DGKB: variants seen among roughly 807,000 people sequenced by gnomAD.
The protein encoded by DGKB is diacylglycerol kinase beta.
In DGKB, 67 loss-of-function variants were observed where a neutral mutation model predicts 114.3. The observed-to-expected ratio is 0.59, with a 90% CI of 0.48 to 0.72. The LOEUF is 0.72. Ranked by LOEUF, DGKB falls within the 30% of genes least tolerant of loss-of-function variation. DGKB has a pLI of 0.00. For synonymous variants in DGKB, 398 were observed against 323.1 expected (o/e 1.23, Z -2.49); for missense variants, 907 against 975.2 (o/e 0.93, Z 0.93).
chr7:14,364,269 C>G (rs1365083179), intron 21 of DGKB, among the ~76,000 whole-genome samples: 1 of 151,956 alleles, frequency 6.6e-6, no homozygotes, highest in East Asian at 1.9e-4. Context: ...CCCTGAAATT[C>G]CCTTCCTTTG....
chr7:14,175,819 G>C (rs966765288), intron 25 of DGKB, among the ~76,000 whole-genome samples: 2 of 149,342 alleles, frequency 1.3e-5, no homozygotes, highest in South Asian at 2.1e-4. Flanking sequence ...TCTTTTTTTT[G>C]GGGGGGATGG....
chr7:14,223,963 G>A (rs1028424370), intron 23 of DGKB, among the ~76,000 whole-genome samples: 1 of 150,896 alleles, frequency 6.6e-6, no homozygotes, highest in Admixed American at 6.6e-5. Context: ...TTTTTTCCAG[G>A]ACATTTTTTT....
At chr7:14,524,804 T>C (rs1790381691) in intron 20 of DGKB, among the ~76,000 whole-genome samples, 1 of 151,852 alleles carries the variant, frequency 6.6e-6, no homozygotes, top group Non-Finnish European at 1.5e-5. Context: ...ATCTCTTTCC[T>C]GATAAGACCA....
intron 21 of DGKB, among the ~76,000 whole-genome samples, chr7:14,454,775 A>T (rs147701516): frequency 6.6e-6 from 1 of 152,028 alleles, no homozygotes; most frequent in Non-Finnish European, 1.5e-5. Context: ...GAGTCACATG[A>T]TAGTTTTGAT....
chr7:14,545,705 C>T (rs1563467227), intron 20 of DGKB, among the ~76,000 whole-genome samples: 1 of 152,162 alleles, frequency 6.6e-6, no homozygotes, highest in South Asian at 2.1e-4. Context: ...CTGGGCAATG[C>T]CCACTCTTCC....
intron 2 of DGKB, among the ~76,000 whole-genome samples, chr7:14,793,526 G>A (rs1195271634): frequency 1.3e-5 from 2 of 152,090 alleles, no homozygotes; most frequent in Admixed American, 1.3e-4. Flanking sequence ...AATCAGGGAT[G>A]ACTACATACT....
At chr7:14,270,235 A>T (rs538203800) in intron 23 of DGKB, among the ~76,000 whole-genome samples, 30 of 152,226 alleles carry the variant, frequency 2.0e-4, no homozygotes, top group African/African-American at 7.2e-4. Flanking sequence ...CCGTTTCTCG[A>T]GGCATCTCCA....
At chr7:14,967,548 C>A (rs553606575) in intron 1 of DGKB, among the ~76,000 whole-genome samples, 1 of 150,860 alleles carries the variant, frequency 6.6e-6, no homozygotes, top group Non-Finnish European at 1.5e-5. Context: ...CTTGAGCTCC[C>A]GGCCTCAAGT....
At chr7:14,177,553 T>TAAAAAAAAAAAAAAAAAAAAA in intron 24 of DGKB, among the ~76,000 whole-genome samples, 1 of 16,666 alleles carries the variant, frequency 6.0e-5, no homozygotes, top group African/African-American at 2.9e-4. Flanking sequence ...AAACTCCGTC[T>TAAAAAAAAAAAAAAAAAAAAA]CAAAAAAAAA....
At chr7:14,335,005 C>T (rs1810408698) in intron 23 of DGKB, among the ~76,000 whole-genome samples, 1 of 152,188 alleles carries the variant, frequency 6.6e-6, no homozygotes, top group Admixed American at 6.5e-5. Flanking sequence ...TTCAGAATTG[C>T]ATCCAACTAT....
At chr7:14,745,106 C>T (rs1833082705) in intron 4 of DGKB, among the ~76,000 whole-genome samples, 1 of 152,102 alleles carries the variant, frequency 6.6e-6, no homozygotes, top group Non-Finnish European at 1.5e-5. Context: ...TAATTATAGC[C>T]ACCAGTTATC....
chr7:14,180,583 A>G (rs1242530233), intron 23 of DGKB, among the ~76,000 whole-genome samples: 2 of 152,202 alleles, frequency 1.3e-5, no homozygotes, highest in East Asian at 1.9e-4. Context: ...AATAAATACC[A>G]TACTCCTTTT....
chr7:14,699,735 T>A (rs569734703), intron 7 of DGKB, among the ~76,000 whole-genome samples: 1 of 152,144 alleles, frequency 6.6e-6, no homozygotes, highest in South Asian at 2.1e-4. Context: ...GTAGCTATTG[T>A]GGAGAAAACC....
chr7:14,931,112 A>AT (rs543630712), intron 1 of DGKB, among the ~76,000 whole-genome samples: 6,008 of 136,668 alleles, frequency 0.044, 323 homozygotes, highest in East Asian at 0.13. Context: ...GTTTGCTAGT[A>AT]TTTTTTTTTT....
At chr7:14,767,718 A>G (rs1836677172) in intron 2 of DGKB, among the ~76,000 whole-genome samples, 1 of 152,016 alleles carries the variant, frequency 6.6e-6, no homozygotes, top group Non-Finnish European at 1.5e-5. Context: ...TGTGGGCAAT[A>G]GAATTAAATG....
chr7:14,227,337 C>G (rs1790964179), intron 23 of DGKB, among the ~76,000 whole-genome samples: 1 of 152,066 alleles, frequency 6.6e-6, no homozygotes, highest in Non-Finnish European at 1.5e-5. Context: ...TTCCTACATT[C>G]TTACTCAAAT....
chr7:14,550,649 G>T (rs1244222315), intron 20 of DGKB, among the ~76,000 whole-genome samples: 1 of 152,074 alleles, frequency 6.6e-6, no homozygotes, highest in Non-Finnish European at 1.5e-5. Context: ...GTCTTCATTT[G>T]GTTGCTATGA....
intron 20 of DGKB, among the ~76,000 whole-genome samples, chr7:14,552,511 T>C (rs564285856): frequency 5.3e-5 from 8 of 152,294 alleles, no homozygotes; most frequent in African/African-American, 1.9e-4. Flanking sequence ...CTGGGAATAA[T>C]ATTGTGTGCT....
At chr7:14,242,707 G>A (rs1355937489) in intron 23 of DGKB, among the ~76,000 whole-genome samples, 1 of 151,936 alleles carries the variant, frequency 6.6e-6, no homozygotes, top group Non-Finnish European at 1.5e-5. Flanking sequence ...AAATTTAATT[G>A]GTGTCCTCAG....
Sources: gnomAD v4.1 joint callset for allele counts (sites outside exome capture counted in the v4.1 genomes callset) on GRCh38, gnomAD v4.1.1 for gene constraint, MANE v1.5 for transcripts, NCBI Gene and HGNC (gene_info 2026-07-23, HGNC 2026-07-21) for gene names.